PRR33: variants seen among roughly 807,000 people sequenced by gnomAD.
PRR33 encodes the protein proline-rich protein 33.
In PRR33, 1 loss-of-function variant was observed where a neutral mutation model predicts 0.5. The observed-to-expected ratio is 2.18, with a 90% CI of 0.77 to 10.34. The LOEUF is 10.34. Among genes scored for constraint, PRR33 ranks in the 30% most tolerant of loss-of-function variants. PRR33 has a pLI of 0.13. For missense variants in PRR33, 552 were observed against 251.8 expected (o/e 2.19, Z -8.07); for synonymous variants, 226 against 110.0 (o/e 2.06, Z -6.60).
At chr11:1,904,077 T>G in the PRR33 span, among the ~76,000 whole-genome samples, 1 of 152,180 alleles carries the variant, frequency 6.6e-6, no homozygotes, top group Non-Finnish European at 1.5e-5. Flanking sequence ...CACACATCCA[T>G]GGAGCTTTGG....
upstream of PRR33, among the ~76,000 whole-genome samples, chr11:1,895,987 A>G (rs1849120477): frequency 6.6e-6 from 1 of 152,154 alleles, no homozygotes; most frequent in African/African-American, 2.4e-5. Flanking sequence ...CAGCCTGGGC[A>G]ACAGAGTGAG....
chr11:1,895,829 C>T (rs1415798875), upstream of PRR33, among the ~76,000 whole-genome samples: 1 of 152,034 alleles, frequency 6.6e-6, no homozygotes, highest in East Asian at 1.9e-4. Flanking sequence ...AGTTGTGCAC[C>T]GAGTCGCCTT....
chr11:1,897,966 A>G, the PRR33 span, among the ~76,000 whole-genome samples: 1 of 152,220 alleles, frequency 6.6e-6, no homozygotes. The surrounding 1 kb of genome is among the most constrained non-coding windows in gnomAD (Gnocchi z 4.0). Context: ...AAAATCAAAT[A>G]GATCAGAGAG....
chr11:1,911,183 G>T, the PRR33 span, among the ~76,000 whole-genome samples: 1 of 152,146 alleles, frequency 6.6e-6, no homozygotes, highest in African/African-American at 2.4e-5. Flanking sequence ...AGTGGCTCAC[G>T]TCTGTAATCC....
chr11:1,900,527 G>A, the PRR33 span, among the ~76,000 whole-genome samples: 2 of 152,230 alleles, frequency 1.3e-5, no homozygotes, highest in African/African-American at 4.8e-5. Context: ...CTCCTTTCAC[G>A]AACCTCCTGG....
upstream of PRR33, among the ~76,000 whole-genome samples, chr11:1,896,331 A>ATT (rs1178136053): frequency 2.6e-5 from 4 of 152,082 alleles, no homozygotes; most frequent in African/African-American, 9.7e-5. Context: ...TCTTCCAAGG[A>ATT]TTTTTTACTC....
chr11:1,904,361 T>C, the PRR33 span, among the ~76,000 whole-genome samples: 178 of 151,958 alleles, frequency 1.2e-3, no homozygotes, highest in African/African-American at 4.1e-3. Context: ...AAACCCCGTC[T>C]CTACTAAAAT....
chr11:1,895,914 G>C (rs541553477), upstream of PRR33, among the ~76,000 whole-genome samples: 7 of 152,062 alleles, frequency 4.6e-5, no homozygotes, highest in Admixed American at 1.3e-4. Flanking sequence ...CGGCTGAGGT[G>C]GGAGGATCCC....
chr11:1,917,102 G>C, the PRR33 span, among the ~76,000 whole-genome samples: 7 of 152,228 alleles, frequency 4.6e-5, no homozygotes, highest in East Asian at 1.3e-3. Context: ...CCTAGGGCTG[G>C]AGCAGCTCAG....
upstream of PRR33, among the ~76,000 whole-genome samples, chr11:1,895,502 T>C (rs978922947): frequency 2.0e-5 from 3 of 152,248 alleles, no homozygotes; most frequent in Non-Finnish European, 2.9e-5. Flanking sequence ...TTGGTGGCCT[T>C]GTCCTCTCAC....
the PRR33 span, among the ~76,000 whole-genome samples, chr11:1,906,005 T>TTTTC: frequency 9.3e-5 from 14 of 151,286 alleles, no homozygotes; most frequent in Admixed American, 9.2e-4. Context: ...TTTTTTTTTT[T>TTTTC]TGGAGAGATG....
chr11:1,888,019 C>T (rs1459902094), downstream of PRR33, among the ~76,000 whole-genome samples: 3 of 152,162 alleles, frequency 2.0e-5, no homozygotes, highest in African/African-American at 4.8e-5. Flanking sequence ...CAGCCGAGAG[C>T]GATTCAGAGG....
the PRR33 span, among the ~76,000 whole-genome samples, chr11:1,902,389 T>C: frequency 6.6e-6 from 1 of 152,034 alleles, no homozygotes; most frequent in Admixed American, 6.6e-5. Context: ...GGGCTCAGCG[T>C]GGGTGGATCT....
chr11:1,892,216 G>A (rs1021620476), upstream of PRR33: 7 of 152,110 alleles, frequency 4.6e-5, no homozygotes, highest in African/African-American at 1.2e-4. Flanking sequence ...GCTGCTTGCC[G>A]CCCCCCACCC....
Position 1,890,391 on chromosome 11 carries a change from G to T in PRR33, c.194C>A (p.Ser65Tyr), listed in dbSNP as rs762924893. 2.2e-5 allele frequency: 16 copies of T among 716,938 alleles called. No individual in the cohort carries two copies. The South Asian group carries it at 2.4e-4, about 11-fold the overall frequency. The allele number at this position is 716,938 out of a possible 1,614,324, so 44.4% of individuals were successfully genotyped here. ...GCTGGCCTCACTCACGGGGGACAGGGAGGTGCGGAAGGCCCTGGGTGGAGC... is the reference window on the plus strand; with the variant it reads ...GCTGGCCTCACTCACGGGGGACAGGTAGGTGCGGAAGGCCCTGGGTGGAGC... The change falls in exon 1 of 1, where the codon TCC (serine) becomes TAC (tyrosine). Residue 65 changes from serine to tyrosine, a missense_variant. Ser to Tyr is a moderately radical substitution (Grantham distance 144). Transcript: ENST00000640310.
the PRR33 span, among the ~76,000 whole-genome samples, chr11:1,906,267 C>CT: frequency 1.3e-5 from 2 of 152,054 alleles, no homozygotes; most frequent in African/African-American, 2.4e-5. Context: ...TTTCTGCCTC[C>CT]TTTTGCGTTC....
At chr11:1,917,017 G>C in the PRR33 span, among the ~76,000 whole-genome samples, 1 of 152,242 alleles carries the variant, frequency 6.6e-6, no homozygotes, top group Non-Finnish European at 1.5e-5. Flanking sequence ...CCACAGAGAA[G>C]ACACCCATCA....
chr11:1,889,757 C>A, exon 1 of PRR33: 1 of 653,520 alleles, frequency 1.5e-6, no homozygotes, highest in East Asian at 2.7e-5. Flanking sequence ...AGGACTCCAG[C>A]GAGCGGCAGG....
the PRR33 span, among the ~76,000 whole-genome samples, chr11:1,908,906 GT>G: frequency 6.6e-6 from 1 of 152,250 alleles, no homozygotes; most frequent in African/African-American, 2.4e-5. Context: ...GATAAAGGAA[GT>G]GCTTATTTAT....
Sources: allele counts gnomAD v4.1 joint callset (sites outside exome capture counted in the v4.1 genomes callset), GRCh38; gene constraint gnomAD v4.1.1; non-coding constraint Gnocchi (gnomAD v3.1); transcripts MANE v1.5; gene names NCBI Gene and HGNC (gene_info 2026-07-23, HGNC 2026-07-21).